Variants in SGCD observed in about 807,000 individuals in gnomAD.
The protein encoded by SGCD is delta-sarcoglycan.
A neutral mutation model predicts 36.6 loss-of-function variants in SGCD; 18 were observed. The ratio of observed to expected loss-of-function variants is 0.49; its 90% CI spans 0.34 to 0.73. SGCD has a LOEUF of 0.73. Ranked by LOEUF, SGCD falls within the 30% of genes least tolerant of loss-of-function variation. SGCD has a pLI of 0.01. For synonymous variants in SGCD, 133 were observed against 130.6 expected (o/e 1.02, Z -0.12); for missense variants, 387 against 346.7 (o/e 1.12, Z -0.92).
At chr5:156,573,273 C>A (rs1367425222) in intron 4 of SGCD, among the ~76,000 whole-genome samples, 2 of 152,310 alleles carry the variant, frequency 1.3e-5, no homozygotes, top group South Asian at 2.1e-4. Context: ...TCAGGTTCTG[C>A]ATGACCTGAA....
chr5:155,958,161 G>C (rs1757705359), intron 1 of SGCD, among the ~76,000 whole-genome samples: 1 of 152,088 alleles, frequency 6.6e-6, no homozygotes, highest in Non-Finnish European at 1.5e-5. Context: ...ATTGCTGTGA[G>C]GGTTGCTATG....
the SGCD span, among the ~76,000 whole-genome samples, chr5:155,844,852 T>C: frequency 6.6e-6 from 1 of 152,208 alleles, no homozygotes; most frequent in African/African-American, 2.4e-5. Context: ...ATGATATTAA[T>C]TATTTTACTT....
chr5:156,257,639 G>A (rs1765749659), intron 3 of SGCD, among the ~76,000 whole-genome samples: 1 of 152,100 alleles, frequency 6.6e-6, no homozygotes, highest in African/African-American at 2.4e-5. Context: ...TGTGGCAGGT[G>A]GGTCATTGGA....
At position 156,304,036 on chromosome 5, in the gene SGCD, G is replaced by T. The variant is rs10054983; in HGVS notation, c.-43-25498G>T. Reference sequence around the variant, plus strand: ...TGAGCTCAGCAGAGCACCAGTACTTGCACAGGAATTGCAGTCCTTGTGGCC... The same window carrying T: ...TGAGCTCAGCAGAGCACCAGTACTTTCACAGGAATTGCAGTCCTTGTGGCC... On this transcript the variant is annotated intron_variant, in intron 3 of 9. Transcript: ENST00000517913. Among the ~76,000 whole-genome samples the T allele has an allele frequency of 3.8e-3, 584 of 152,144 alleles. 3 individuals carry two copies. Among genetic ancestry groups the T allele is most frequent in the African/African-American group, 0.014 (562 of 41,516 alleles).
At chr5:156,249,274 A>C (rs1310042666) in intron 3 of SGCD, among the ~76,000 whole-genome samples, 3 of 152,186 alleles carry the variant, frequency 2.0e-5, no homozygotes, top group Non-Finnish European at 2.9e-5. Context: ...AAATAGGAAG[A>C]GAATGAACGG....
intron 3 of SGCD, among the ~76,000 whole-genome samples, chr5:156,502,039 T>TC (rs1265653495): frequency 5.7e-5 from 7 of 122,474 alleles, no homozygotes; most frequent in African/African-American, 1.1e-4. Flanking sequence ...ATATTCTCTC[T>TC]TTTTTTTTTT....
chr5:156,225,677 T>C (rs1325359824), intron 3 of SGCD, among the ~76,000 whole-genome samples: 1 of 152,108 alleles, frequency 6.6e-6, no homozygotes, highest in Non-Finnish European at 1.5e-5. Context: ...GATTATTGTC[T>C]CTATCAATAG....
the SGCD span, among the ~76,000 whole-genome samples, chr5:155,784,491 T>C: frequency 6.6e-6 from 1 of 152,024 alleles, no homozygotes; most frequent in Admixed American, 6.6e-5. Context: ...AGAGTTACAG[T>C]CTACATGGAT....
At position 156,061,607 on chromosome 5, in the gene SGCD, G is replaced by C. The variant is rs1181397422; in HGVS notation, c.-281-56271G>C. 1.4e-5 allele frequency among the ~76,000 whole-genome samples: 2 copies of C among 146,288 alleles called. 1 individual carries two copies. The highest frequency in any genetic ancestry group is 3.1e-5 in the Non-Finnish European group (2 of 64,928). On this transcript the variant is annotated intron_variant, in intron 1 of 9. Transcript: ENST00000517913. ...AAATAAAGCTCTTTTCAGGGGAAGT[G>C]TTAAATGTAGGAATCACAGTAGAAA...
chr5:156,734,234 C>A (rs55667497), intron 7 of SGCD, among the ~76,000 whole-genome samples: 9,745 of 152,088 alleles, frequency 0.064, 434 homozygotes, highest in African/African-American at 0.12. Context: ...CATAGGGTTT[C>A]TGCTGAAAGG....
At chr5:156,541,612 T>C (rs1429570789) in intron 4 of SGCD, among the ~76,000 whole-genome samples, 6 of 152,112 alleles carry the variant, frequency 3.9e-5, no homozygotes. Context: ...ACTAAGTTTT[T>C]AACATGGATG....
At chr5:155,857,735 A>C in the SGCD span, among the ~76,000 whole-genome samples, 1 of 151,752 alleles carries the variant, frequency 6.6e-6, no homozygotes, top group African/African-American at 2.4e-5. Context: ...CTTAAAGTCT[A>C]ATTTATCTTT....
At chr5:155,814,965 A>T in the SGCD span, among the ~76,000 whole-genome samples, 1 of 152,332 alleles carries the variant, frequency 6.6e-6, no homozygotes, top group East Asian at 1.9e-4. Flanking sequence ...ATCAGTTTAT[A>T]TATAATCCTT....
intron 3 of SGCD, among the ~76,000 whole-genome samples, chr5:156,491,000 A>C (rs941810817): frequency 1.3e-5 from 2 of 152,154 alleles, no homozygotes; most frequent in African/African-American, 4.8e-5. Context: ...AAACGAATTC[A>C]GTAAAATTTT....
At chr5:156,279,050 T>G (rs1030239451) in intron 3 of SGCD, among the ~76,000 whole-genome samples, 6 of 152,172 alleles carry the variant, frequency 3.9e-5, no homozygotes, top group Admixed American at 2.0e-4. Context: ...AAACATCTTA[T>G]AGTACACAGG....
intron 1 of SGCD, among the ~76,000 whole-genome samples, chr5:156,100,954 A>T (rs1335825820): frequency 6.6e-6 from 1 of 152,062 alleles, no homozygotes; most frequent in African/African-American, 2.4e-5. Context: ...ATATGATGGT[A>T]TTTGGAGGTG....
chr5:156,657,595 T>C (rs1439534528), intron 7 of SGCD, among the ~76,000 whole-genome samples: 2 of 151,726 alleles, frequency 1.3e-5, no homozygotes, highest in African/African-American at 2.4e-5. Flanking sequence ...AAACCCCATC[T>C]CTACTAAAAA....
At chr5:156,624,670 T>C (rs577838934) in intron 6 of SGCD, among the ~76,000 whole-genome samples, 1 of 152,332 alleles carries the variant, frequency 6.6e-6, no homozygotes, top group Non-Finnish European at 1.5e-5. Flanking sequence ...AGTCCTGTCT[T>C]CTGAATGAGG....
At chr5:156,011,516 C>G (rs1210268125) in intron 1 of SGCD, among the ~76,000 whole-genome samples, 1 of 151,994 alleles carries the variant, frequency 6.6e-6, no homozygotes. Context: ...TCTTGGCTCA[C>G]TGCAACTCCT....
Sources: gnomAD v4.1 joint callset for allele counts (sites outside exome capture counted in the v4.1 genomes callset) on GRCh38, gnomAD v4.1.1 for gene constraint, MANE v1.5 for transcripts, NCBI Gene and HGNC (gene_info 2026-07-23, HGNC 2026-07-21) for gene names.